USP35: variants seen among roughly 807,000 people sequenced by gnomAD.
The protein encoded by USP35 is ubiquitin carboxyl-terminal hydrolase 35.
USP35 carries 69 observed loss-of-function variants against 83.8 expected under a neutral mutation model. That is an observed-to-expected ratio of 0.82 (90% confidence interval 0.68 to 1.01). USP35 has a LOEUF of 1.01. Among genes scored for constraint, USP35 ranks in the 50% least tolerant of loss-of-function variants. The probability of loss-of-function intolerance (pLI) is 0.00; values close to 1 mark genes in which losing one functional copy is unlikely to be tolerated. For synonymous variants in USP35, 714 were observed against 589.5 expected (o/e 1.21, Z -3.06); for missense variants, 1,503 against 1,362.5 (o/e 1.10, Z -1.62).
At chr11:78,212,555 C>CCTAT (rs113093397) in intron 10 of USP35, among the ~76,000 whole-genome samples, 8 of 151,968 alleles carry the variant, frequency 5.3e-5, no homozygotes, top group Non-Finnish European at 7.4e-5. Context: ...ATTGAGTCTT[C>CCTAT]CTATCTATCT....
chr11:78,225,002 G>C, the USP35 span: 2 of 715,600 alleles, frequency 2.8e-6, no homozygotes, highest in South Asian at 3.4e-5. Flanking sequence ...AGGGTCCTAA[G>C]ATGGAGACGC....
the USP35 span, among the ~76,000 whole-genome samples, chr11:78,231,371 C>G: frequency 2.8e-4 from 21 of 76,274 alleles, no homozygotes; most frequent in South Asian, 1.3e-3. Context: ...GTGTGTGTGT[C>G]GGAGTCTCAT....
At chr11:78,236,180 A>G in the USP35 span, among the ~76,000 whole-genome samples, 2 of 152,226 alleles carry the variant, frequency 1.3e-5, no homozygotes, top group Non-Finnish European at 2.9e-5. Context: ...ATTTATTCCC[A>G]AGTATTCCAC....
At chr11:78,233,054 T>C in the USP35 span, among the ~76,000 whole-genome samples, 2 of 151,354 alleles carry the variant, frequency 1.3e-5, no homozygotes, top group Admixed American at 6.6e-5. Context: ...TTTTTTTTTT[T>C]TTGGTGACAA....
the USP35 span, chr11:78,220,283 G>C: frequency 6.2e-7 from 1 of 1,610,510 alleles, no homozygotes; most frequent in East Asian, 2.2e-5. Flanking sequence ...GGGACCCTGA[G>C]AGCTCTTACT....
chr11:78,213,997 G>T lies in USP35; in HGVS notation c.*184G>T. On this transcript the variant is annotated 3_prime_UTR_variant, in exon 11 of 11. Coordinates refer to ENST00000529308, the MANE Select transcript of USP35 (RefSeq NM_020798.4). ...AAGTAAGACCTAAGTCCCTTTCATT[G>T]GGGATCAGTCCCATTAAAACTTTAC... is the stretch of plus-strand genomic sequence containing the variant. 1 of 629,304 alleles carries T rather than the reference G, an allele frequency of 1.6e-6. No homozygotes were observed. The highest frequency in any genetic ancestry group is 3.2e-5 in the South Asian group (1 of 31,062). The allele number at this position is 629,304 out of a possible 1,614,324, so 39.0% of individuals were successfully genotyped here. A position where few individuals can be genotyped will look rare whatever the true frequency, so the allele number is the denominator to read the frequency against.
At chr11:78,205,708 G>A (rs1235933586) in intron 6 of USP35, 134 bp from the exon 7 acceptor site, 5 of 948,672 alleles carry the variant, frequency 5.3e-6, no homozygotes, top group East Asian at 2.6e-5. Flanking sequence ...ACACACCCCA[G>A]AACATCTGTG....
Position 78,210,669 on chromosome 11 carries a change from T to C in USP35, c.2814T>C (p.Ser938=). 2 of 1,613,180 alleles carry C rather than the reference T, an allele frequency of 1.2e-6. No individual in the cohort carries two copies. Among genetic ancestry groups the C allele is most frequent in the African/African-American group, 2.7e-5 (2 of 75,038 alleles). ...GGCCCGAGGCTGAGTTGGGCTCTTC[T>C]AGAGTCCGGACAGAGCCCACCCTGC... ...REGPEAELGS[S]RVRTEPTLHK... is the part of the protein sequence containing the mutation. The change falls in exon 10 of 11, where the codon TCT becomes TCC. Residue 938 remains serine (S), a synonymous_variant. Transcript: ENST00000529308.
At chr11:78,230,787 G>A in the USP35 span, among the ~76,000 whole-genome samples, 1 of 152,352 alleles carries the variant, frequency 6.6e-6, no homozygotes, top group East Asian at 1.9e-4. Context: ...GTCTCTGGGT[G>A]CCCCCACTGC....
At chr11:78,204,117 C>G (rs1245108621) in intron 6 of USP35, among the ~76,000 whole-genome samples, 2 of 151,634 alleles carry the variant, frequency 1.3e-5, no homozygotes, top group Admixed American at 6.6e-5. Flanking sequence ...GTCTCGATCT[C>G]CTGACCTCGT....
Position 78,200,695 on chromosome 11 carries a change from G to T in USP35, c.1084G>T (p.Asp362Tyr). 6.2e-7 allele frequency: 1 copy of T among 1,614,116 alleles called. No individual in the cohort carries two copies. Among genetic ancestry groups the T allele is most frequent in the Non-Finnish European group, 8.5e-7 (1 of 1,179,994 alleles). Residue 362 changes from aspartate (D) to tyrosine (Y), a missense_variant, in exon 6 of 11, where the codon GAC (aspartate) becomes TAC (tyrosine). Physicochemically the swap from Asp to Tyr is radical, Grantham distance 160. Coordinates refer to ENST00000529308, the MANE Select transcript of USP35 (RefSeq NM_020798.4). ...PPMVASLVKE[D>Y]SNSGTSCLEQ... ...CATGGTGGCCTCTCTGGTCAAGGAGGACTCGAACTCGGGGACCAGCTGCCT... is the reference window on the plus strand; with the variant it reads ...CATGGTGGCCTCTCTGGTCAAGGAGTACTCGAACTCGGGGACCAGCTGCCT...
At chr11:78,230,546 T>C in the USP35 span, among the ~76,000 whole-genome samples, 2 of 152,388 alleles carry the variant, frequency 1.3e-5, no homozygotes, top group East Asian at 1.9e-4. Flanking sequence ...TATTCTGCCT[T>C]ATGTCAGTTA....
chr11:78,214,763 C>G lies in USP35; in HGVS notation c.*950C>G, dbSNP rs139671574. 1.3e-5 allele frequency: 2 copies of G among 150,882 alleles called. No homozygotes were observed. Among genetic ancestry groups the G allele is most frequent in the East Asian group, 3.8e-4 (2 of 5,198 alleles). 9.3% of individuals were successfully genotyped at this position (150,882 alleles called of 1,614,324 possible). On this transcript the variant is annotated 3_prime_UTR_variant, in exon 11 of 11. Coordinates refer to ENST00000529308, the MANE Select transcript of USP35 (RefSeq NM_020798.4). Reference sequence around the variant, plus strand: ...TGTGATGGCCACTGGGTTTTGCTCACGGGGTCTGGGGAGGCCAGGACTCAG... The same window carrying G: ...TGTGATGGCCACTGGGTTTTGCTCAGGGGGTCTGGGGAGGCCAGGACTCAG...
chr11:78,200,249 C>T lies in USP35; in HGVS notation c.1038+15C>T, dbSNP rs772591751. Reference sequence around the variant, plus strand: ...CCTTCCACCTGGTAAGGTCCCCTGCCTGCTGCCCCTGGTGAGGCCCCTGCC... The same window carrying T: ...CCTTCCACCTGGTAAGGTCCCCTGCTTGCTGCCCCTGGTGAGGCCCCTGCC... On this transcript the variant is annotated intron_variant, in intron 5 of 10. Coordinates refer to ENST00000529308, the MANE Select transcript of USP35 (RefSeq NM_020798.4). 4.3e-6 allele frequency: 7 copies of T among 1,613,372 alleles called. No homozygotes were observed. The highest frequency in any genetic ancestry group is 5.9e-6 in the Non-Finnish European group (7 of 1,179,528).
At chr11:78,225,261 C>G in the USP35 span, 3 of 1,119,822 alleles carry the variant, frequency 2.7e-6, no homozygotes, top group Non-Finnish European at 4.1e-6. Flanking sequence ...TGACACTTAC[C>G]CATACCCTCA....
In USP35 at chr11:78,209,684, G is replaced by A. The variant is rs754873295; in HGVS notation, c.1829G>A (p.Arg610His). The change falls in exon 10 of 11, where the codon CGC becomes CAC. Residue 610 changes from arginine to histidine, a missense_variant. Physicochemically the swap from Arg to His is conservative, Grantham distance 29. Coordinates refer to ENST00000529308, the MANE Select transcript of USP35 (RefSeq NM_020798.4). ...CCTCCTGAGCGCTGTCGCCGCCGCC[G>A]CCTGGGCTCTGTGATGCGCCCCACA... The part of the protein sequence containing the change: ...FPPPERCRRR[R>H]LGSVMRPTED... 2.0e-5 allele frequency: 32 copies of A among 1,613,732 alleles called. No homozygotes were observed. The Admixed American group carries it at 2.0e-4, about 10-fold the overall frequency.
chr11:78,208,218 C>T (rs1275564754), intron 8 of USP35, among the ~76,000 whole-genome samples: 1 of 152,178 alleles, frequency 6.6e-6, no homozygotes, highest in Non-Finnish European at 1.5e-5. Context: ...TTGAAGGTCC[C>T]ATCTCTTAAC....
chr11:78,220,352 G>A, the USP35 span: 1 of 1,613,104 alleles, frequency 6.2e-7, no homozygotes, highest in Non-Finnish European at 8.5e-7. Context: ...TCGGCTGGAA[G>A]TCCAGGGCCA....
intron 2 of USP35, among the ~76,000 whole-genome samples, chr11:78,197,186 C>T (rs1032156275): frequency 8.8e-6 from 1 of 113,420 alleles, no homozygotes; most frequent in South Asian, 3.1e-4. Flanking sequence ...TCAGCCTGGC[C>T]GGAGGGAGGA....
Sources: allele counts gnomAD v4.1 joint callset (sites outside exome capture counted in the v4.1 genomes callset), GRCh38; gene constraint gnomAD v4.1.1; transcripts MANE v1.5; gene names NCBI Gene and HGNC (gene_info 2026-07-23, HGNC 2026-07-21).